The following KCND3 variants were observed in gnomAD, a reference collection of about 807,000 sequenced individuals.
The protein encoded by KCND3 is A-type voltage-gated potassium channel KCND3.
KCND3 carries 9 observed loss-of-function variants against 51.1 expected under a neutral mutation model. The observed-to-expected ratio is 0.18, with a 90% CI of 0.11 to 0.31. The LOEUF (loss-of-function observed/expected upper bound fraction) is 0.31. KCND3 is among the 10% of genes least tolerant of loss of function. KCND3 has a pLI of 1.00. For synonymous variants in KCND3, 349 were observed against 368.0 expected (o/e 0.95, Z 0.59); for missense variants, 526 against 903.8 (o/e 0.58, Z 5.36).
chr1:111,852,786 C>T (rs1667880223), intron 2 of KCND3, among the ~76,000 whole-genome samples: 1 of 152,192 alleles, frequency 6.6e-6, no homozygotes. Context: ...CTGAGTCGTA[C>T]CACTTAGGTT....
At chr1:111,977,816 A>G (rs1426810663) in intron 2 of KCND3, among the ~76,000 whole-genome samples, 1 of 152,268 alleles carries the variant, frequency 6.6e-6, no homozygotes, top group Non-Finnish European at 1.5e-5. Context: ...GAGAGTTTAC[A>G]TCATATAATA....
At chr1:111,924,541 G>A (rs1039066355) in intron 2 of KCND3, among the ~76,000 whole-genome samples, 2 of 152,196 alleles carry the variant, frequency 1.3e-5, no homozygotes, top group Non-Finnish European at 2.9e-5. Flanking sequence ...GTTGTCCAAT[G>A]GAACAGCAGG....
In KCND3 at chr1:111,976,191, A is replaced by T. The variant is rs1329421582; in HGVS notation, c.1106+5430T>A. On this transcript the variant is annotated intron_variant, in intron 2 of 7. Coordinates refer to ENST00000302127, the MANE Select transcript of KCND3 (RefSeq NM_001378969.1). The stretch of plus-strand genomic sequence containing the variant: ...TTGAGTAAATAACTGAATGGAGAAA[A>T]ACATCATGGGTAGAGGGGCTTACCT... 2.0e-5 allele frequency among the ~76,000 whole-genome samples: 3 copies of T among 152,212 alleles called. No homozygotes were observed. In the East Asian group the frequency reaches 5.8e-4, roughly 29 times the overall value.
At chr1:111,897,003 G>A (rs1444544655) in intron 2 of KCND3, among the ~76,000 whole-genome samples, 1 of 152,234 alleles carries the variant, frequency 6.6e-6, no homozygotes, top group Non-Finnish European at 1.5e-5. Context: ...CCTGCAAACT[G>A]CAAACTCCTT....
intron 2 of KCND3, among the ~76,000 whole-genome samples, chr1:111,951,686 G>C (rs1673070983): frequency 6.6e-6 from 1 of 152,218 alleles, no homozygotes; most frequent in Admixed American, 6.5e-5. Context: ...ACAGTAAGGA[G>C]GGACAGACAA....
At chr1:111,862,052 C>T (rs1571757190) in intron 2 of KCND3, among the ~76,000 whole-genome samples, 1 of 152,270 alleles carries the variant, frequency 6.6e-6, no homozygotes, top group Admixed American at 6.5e-5. Flanking sequence ...TTCCTTATGG[C>T]CTGTAGGAAC....
chr1:111,844,115 G>T (rs1037323933), intron 2 of KCND3, among the ~76,000 whole-genome samples: 1 of 152,158 alleles, frequency 6.6e-6, no homozygotes, highest in Non-Finnish European at 1.5e-5. Flanking sequence ...CAGGATGGGA[G>T]CAAGGCACTC....
At chr1:111,941,408 G>T (rs1672513435) in intron 2 of KCND3, among the ~76,000 whole-genome samples, 1 of 152,108 alleles carries the variant, frequency 6.6e-6, no homozygotes, top group Non-Finnish European at 1.5e-5. Context: ...ATCTGGGAGA[G>T]CCCAAACCCT....
intron 2 of KCND3, among the ~76,000 whole-genome samples, chr1:111,854,524 C>T (rs951082800): frequency 2.6e-5 from 4 of 152,006 alleles, no homozygotes; most frequent in African/African-American, 9.7e-5. Context: ...GGAGGTGAGT[C>T]GGTTGTCCAG....
At chr1:111,788,257 G>A (rs780602734) in intron 2 of KCND3, among the ~76,000 whole-genome samples, 3 of 152,144 alleles carry the variant, frequency 2.0e-5, no homozygotes, top group South Asian at 4.1e-4. Flanking sequence ...TTACTCCTTC[G>A]GCTAAAGCCA....
At chr1:111,939,719 C>A (rs562663562) in intron 2 of KCND3, among the ~76,000 whole-genome samples, 120 of 152,300 alleles carry the variant, frequency 7.9e-4, no homozygotes, top group Non-Finnish European at 1.4e-3. Context: ...AAAATGATTT[C>A]TAATCCTTTG....
At chr1:111,800,551 T>TAA (rs1557944558) in intron 2 of KCND3, among the ~76,000 whole-genome samples, 1 of 132,950 alleles carries the variant, frequency 7.5e-6, no homozygotes, top group African/African-American at 3.1e-5. Flanking sequence ...AAAAATAAAT[T>TAA]TAAAAAAAAA....
intron 2 of KCND3, among the ~76,000 whole-genome samples, chr1:111,917,274 A>C (rs2101829435): frequency 6.6e-6 from 1 of 152,340 alleles, no homozygotes; most frequent in South Asian, 2.1e-4. Context: ...GCAAGAAAAA[A>C]ATTAAAAAGG....
At chr1:111,808,880 T>C (rs1468551964) in intron 2 of KCND3, among the ~76,000 whole-genome samples, 1 of 152,248 alleles carries the variant, frequency 6.6e-6, no homozygotes, top group African/African-American at 2.4e-5. Flanking sequence ...AAGAGGCCTC[T>C]TGTATGTTGA....
rs1671125738 is a variant in KCND3, at chr1:111,914,960, G to A, written c.1106+66661C>T. Among the ~76,000 whole-genome samples, 4 of 152,060 alleles carry A rather than the reference G, an allele frequency of 2.6e-5. No homozygotes were observed. The South Asian group carries it at 8.3e-4, about 31-fold the overall frequency. ...TATTGTTGGATTTATAAAATATAGA[G>A]GTAAAATATATGACAATTATATCAC... On this transcript the variant is annotated intron_variant, in intron 2 of 7. Transcript: ENST00000302127.
At chr1:111,986,383 C>T (rs74112408) in intron 1 of KCND3, among the ~76,000 whole-genome samples, 6,383 of 152,232 alleles carry the variant, frequency 0.042, 361 homozygotes, top group African/African-American at 0.13. Flanking sequence ...TCAAACAGAC[C>T]ATTGATCACC....
chr1:111,979,913 T>C (rs1229659290), intron 2 of KCND3, among the ~76,000 whole-genome samples: 1 of 152,118 alleles, frequency 6.6e-6, no homozygotes, highest in African/African-American at 2.4e-5. Context: ...ATGAGTCCCA[T>C]CAAGGGGCAT....
intron 2 of KCND3, among the ~76,000 whole-genome samples, chr1:111,806,088 C>A (rs938009596): frequency 5.3e-5 from 8 of 152,332 alleles, no homozygotes; most frequent in African/African-American, 1.9e-4. Context: ...TGAGGAGCAC[C>A]CCTGCTACGA....
At chr1:111,891,574 T>C (rs17028969) in intron 2 of KCND3, among the ~76,000 whole-genome samples, 25,436 of 152,038 alleles carry the variant, frequency 0.17, 2,244 homozygotes, top group Middle Eastern at 0.23. Flanking sequence ...CCGGCACTTA[T>C]TAACTTGTTA....
Sources: allele counts gnomAD v4.1 joint callset (sites outside exome capture counted in the v4.1 genomes callset), GRCh38; gene constraint gnomAD v4.1.1; transcripts MANE v1.5; gene names NCBI Gene and HGNC (gene_info 2026-07-23, HGNC 2026-07-21).